Variants in TMEM106B observed in about 807,000 individuals in gnomAD.
TMEM106B encodes transmembrane protein 106B.
Under a neutral mutation model 31.1 loss-of-function variants are expected in TMEM106B, and 15 were observed. The observed-to-expected ratio is 0.48, with a 90% confidence interval of 0.32 to 0.74. TMEM106B has a LOEUF of 0.74. Ranked by LOEUF, TMEM106B falls within the 30% of genes least tolerant of loss-of-function variation. The pLI is 0.03. For missense variants in TMEM106B, 283 were observed against 327.3 expected (o/e 0.86, Z 1.04); for synonymous variants, 126 against 112.5 (o/e 1.12, Z -0.76).
rs143823200 is a variant in TMEM106B, at chr7:12,216,750, A to G, written c.218-1708A>G. ...GTGGTATCATGGAAGATAAGTGAAG[A>G]AAGTGTACCAAGGAGGAAAGAGTGA... On this transcript the variant is annotated intron_variant, in intron 2 of 7. Transcript: ENST00000396668. 1.3e-3 allele frequency among the ~76,000 whole-genome samples: 196 copies of G among 152,312 alleles called. 1 individual carries two copies. The highest frequency in any genetic ancestry group is 6.8e-3 in the Middle Eastern group (2 of 294).
In TMEM106B at chr7:12,211,778, G is replaced by A. The variant is rs539049950; in HGVS notation, c.-3+353G>A. ...AGGCTTTGTGCTAGGTGTTGTTTAT[G>A]GAGCTTTTCAAAGGCGCTTGTTTCC... On this transcript the variant is annotated intron_variant, in intron 1 of 7. Transcript: ENST00000396668. Among the ~76,000 whole-genome samples, 16 of 152,332 alleles carry A rather than the reference G, an allele frequency of 1.1e-4. No individual in the cohort carries two copies. In the South Asian group the frequency reaches 2.9e-3, roughly 28 times the overall value.
rs1157296590 is a variant in TMEM106B at position 12,235,416 on chromosome 7, G to T, written c.*3441G>T. 1.3e-5 allele frequency: 2 copies of T among 151,960 alleles called. No individual in the cohort carries two copies. The highest frequency in any genetic ancestry group is 6.6e-5 in the Admixed American group (1 of 15,208). The allele number at this position is 151,960 out of a possible 1,614,324, so 9.4% of individuals were successfully genotyped here. ...TGTACAGTTTTTCTGTGCCTTGTTA[G>T]GCCAGTGAAGCAATTATTTTCTCTA... On this transcript the variant is annotated 3_prime_UTR_variant, in exon 8 of 8. Transcript: ENST00000396668.
chr7:12,232,095 G>A lies in TMEM106B; in HGVS notation c.*120G>A. ...ACAAACCTAAAGTTTACACTTCTAAGAGTACAGTTAAAAGTATGTGGACCT... is the reference window on the plus strand; with the variant it reads ...ACAAACCTAAAGTTTACACTTCTAAAAGTACAGTTAAAAGTATGTGGACCT... On this transcript the variant is annotated 3_prime_UTR_variant, in exon 8 of 8. Coordinates refer to ENST00000396668, the MANE Select transcript of TMEM106B (RefSeq NM_001134232.2). The A allele has an allele frequency of 1.1e-6, 1 of 913,318 alleles. No individual in the cohort carries two copies. The highest frequency in any genetic ancestry group is 2.3e-5 in the South Asian group (1 of 43,502). The allele number at this position is 913,318 out of a possible 1,614,324, so 56.6% of individuals were successfully genotyped here.
chr7:12,220,988 C>A (rs750139689), intron 3 of TMEM106B, among the ~76,000 whole-genome samples: 5 of 151,944 alleles, frequency 3.3e-5, no homozygotes, highest in African/African-American at 4.8e-5. Flanking sequence ...CATATACACA[C>A]AAAGAGACAA....
At chr7:12,221,569 T>A (rs781202681) in intron 3 of TMEM106B, among the ~76,000 whole-genome samples, 1 of 152,162 alleles carries the variant, frequency 6.6e-6, no homozygotes. Context: ...TTTCAGACAT[T>A]GGACATCAGC....
chr7:12,234,447 A>T lies in TMEM106B; in HGVS notation c.*2472A>T, dbSNP rs1048024372. 2.0e-5 allele frequency: 3 copies of T among 152,034 alleles called. No homozygotes were observed. In the East Asian group the frequency reaches 5.8e-4, roughly 29 times the overall value. The allele number at this position is 152,034 out of a possible 1,614,324, so 9.4% of individuals were successfully genotyped here. On this transcript the variant is annotated 3_prime_UTR_variant, in exon 8 of 8. Transcript: ENST00000396668. ...TTTCAGAGAGAGTTAAGTAACTGTCAGAATAAGCCTGGAACAAAACAGGCT... is the reference window on the plus strand; with the variant it reads ...TTTCAGAGAGAGTTAAGTAACTGTCTGAATAAGCCTGGAACAAAACAGGCT...
At chr7:12,216,017 A>T (rs532922905) in intron 2 of TMEM106B, among the ~76,000 whole-genome samples, 14 of 152,304 alleles carry the variant, frequency 9.2e-5, no homozygotes, top group Admixed American at 2.0e-4. Flanking sequence ...GAAGAAGGTC[A>T]AAGTATAAAG....
Position 12,235,053 on chromosome 7 carries a change from A to T in TMEM106B, c.*3078A>T, listed in dbSNP as rs932224158. 6.6e-6 allele frequency: 1 copy of T among 152,282 alleles called. No homozygotes were observed. Among genetic ancestry groups the T allele is most frequent in the African/African-American group, 2.4e-5 (1 of 41,410 alleles). 9.4% of individuals were successfully genotyped at this position (152,282 alleles called of 1,614,324 possible). ...GATTGGTATGATTAAAAATGAGAGG[A>T]AAGTTCAAATAGTTAGTAGTGACAA... On this transcript the variant is annotated 3_prime_UTR_variant, in exon 8 of 8. Coordinates refer to ENST00000396668, the MANE Select transcript of TMEM106B (RefSeq NM_001134232.2).
chr7:12,229,714 T>A lies in TMEM106B; in HGVS notation c.477T>A (p.Ser159=), dbSNP rs758630085. 6.2e-7 allele frequency: 1 copy of A among 1,612,264 alleles called. No homozygotes were observed. The highest frequency in any genetic ancestry group is 8.5e-7 in the Non-Finnish European group (1 of 1,179,460). ...ATATAACAAACAATAACTATTACTC[T>A]GTCGAAGTTGAAAACATCACTGCCC... The part of the protein sequence containing the change: ...TLNITNNNYY[S]VEVENITAQV... Residue 159 remains serine (S), a synonymous_variant, in exon 5 of 8, where the codon TCT becomes TCA. Coordinates refer to ENST00000396668, the MANE Select transcript of TMEM106B (RefSeq NM_001134232.2).
chr7:12,226,520 G>C (rs991564958), intron 4 of TMEM106B, among the ~76,000 whole-genome samples: 1 of 152,136 alleles, frequency 6.6e-6, no homozygotes, highest in South Asian at 2.1e-4. Context: ...AGATATATGT[G>C]AGTGACAGTG....
intron 4 of TMEM106B, among the ~76,000 whole-genome samples, chr7:12,228,572 A>G (rs1053941303): frequency 6.6e-6 from 1 of 151,858 alleles, no homozygotes; most frequent in African/African-American, 2.4e-5. Flanking sequence ...TCCCATTCCA[A>G]ATAACACTGT....
chr7:12,226,409 G>C (rs1781902499), intron 4 of TMEM106B, among the ~76,000 whole-genome samples: 1 of 152,188 alleles, frequency 6.6e-6, no homozygotes, highest in African/African-American at 2.4e-5. Context: ...AAACCTTAGA[G>C]AGGTTTTCTA....
At chr7:12,216,593 G>T (rs1781691422) in intron 2 of TMEM106B, among the ~76,000 whole-genome samples, 1 of 152,160 alleles carries the variant, frequency 6.6e-6, no homozygotes. Flanking sequence ...ACAGCAGCAA[G>T]CTAGTCAGTG....
At position 12,218,629 on chromosome 7, in the gene TMEM106B, G is replaced by A. The variant is rs963264990; in HGVS notation, c.281+108G>A. ...TAAAACTATTAAAAGAAAAAATGCT[G>A]TCACGTAGTTAAATTATGTCATCAT... On this transcript the variant is annotated intron_variant, in intron 3 of 7. Transcript: ENST00000396668. 5.9e-6 allele frequency: 5 copies of A among 849,288 alleles called. No homozygotes were observed. The African/African-American group carries it at 8.7e-5, about 15-fold the overall frequency. The allele number at this position is 849,288 out of a possible 1,614,324, so 52.6% of individuals were successfully genotyped here.
At chr7:12,227,582 C>G (rs542980979) in intron 4 of TMEM106B, among the ~76,000 whole-genome samples, 1 of 127,688 alleles carries the variant, frequency 7.8e-6, no homozygotes, top group South Asian at 2.7e-4. Flanking sequence ...TTAATTCAAC[C>G]ATTTTCTTAA....
In TMEM106B at chr7:12,237,755, G is replaced by C. The variant is rs1296696205; in HGVS notation, c.*5780G>C. The C allele has an allele frequency of 6.6e-6, 1 of 151,674 alleles. No homozygotes were observed. The highest frequency in any genetic ancestry group is 2.0e-4 in the East Asian group (1 of 5,110). 9.4% of individuals were successfully genotyped at this position (151,674 alleles called of 1,614,324 possible). On this transcript the variant is annotated 3_prime_UTR_variant, in exon 8 of 8. Coordinates refer to ENST00000396668, the MANE Select transcript of TMEM106B (RefSeq NM_001134232.2). ...GGAGGCCAAGGTGGGAGGATCACCT[G>C]AGCCCAGAAGTTCAAGACCAAATTG...
chr7:12,215,044 T>C lies in TMEM106B; in HGVS notation c.217+17T>C. 6.3e-7 allele frequency: 1 copy of C among 1,592,998 alleles called. No homozygotes were observed. The highest frequency in any genetic ancestry group is 8.6e-7 in the Non-Finnish European group (1 of 1,168,686). ...TTCCTAGGGGTATGTGTTATTGTAT[T>C]GTTTTCCCTTTAAATGATTTTAGGT... On this transcript the variant is annotated intron_variant, in intron 2 of 7. Transcript: ENST00000396668.
At chr7:12,231,142 A>G in intron 7 of TMEM106B, 27 bp downstream of exon 7, 1 of 1,551,130 alleles carries the variant, frequency 6.4e-7, no homozygotes, top group East Asian at 2.3e-5. Context: ...TTTGAAAGAG[A>G]TTTTGCTTGT....
At chr7:12,215,703 C>A in intron 2 of TMEM106B, 1 of 265,882 alleles carries the variant, frequency 3.8e-6, no homozygotes. Context: ...CAGCTGTGAG[C>A]CACCACGCCT....
Sources: gnomAD v4.1 joint callset for allele counts (sites outside exome capture counted in the v4.1 genomes callset) on GRCh38, gnomAD v4.1.1 for gene constraint, MANE v1.5 for transcripts, NCBI Gene and HGNC (gene_info 2026-07-23, HGNC 2026-07-21) for gene names.